Variants in LRP6 observed in about 807,000 individuals in gnomAD.
The protein encoded by LRP6 is low-density lipoprotein receptor-related protein 6.
In LRP6, 43 loss-of-function variants were observed where a neutral mutation model predicts 184.1. That is an observed-to-expected ratio of 0.23 (90% CI 0.18 to 0.30). LRP6 has a LOEUF of 0.30. Among genes scored for constraint, LRP6 ranks in the 10% least tolerant of loss-of-function variants. The pLI, the probability that LRP6 is intolerant of heterozygous loss-of-function variation, is 1.00. For synonymous variants in LRP6, 719 were observed against 684.9 expected (o/e 1.05, Z -0.78); for missense variants, 1,571 against 2,005.3 (o/e 0.78, Z 4.14).
At chr12:12,138,736 CAAGT>C in intron 15 of LRP6, 2 of 1,450,232 alleles carry the variant, frequency 1.4e-6, no homozygotes, top group Admixed American at 2.2e-5. Context: ...CAATCAAGAG[CAAGT>C]AAGTGCCCAA....
chr12:12,245,465 T>C (rs958245593), intron 1 of LRP6, among the ~76,000 whole-genome samples: 9 of 152,124 alleles, frequency 5.9e-5, no homozygotes, highest in Non-Finnish European at 1.3e-4. Flanking sequence ...AAAATGGGCA[T>C]GAGCAAACTT....
chr12:12,171,622 T>TC (rs1591911915), intron 7 of LRP6, among the ~76,000 whole-genome samples: 1 of 152,172 alleles, frequency 6.6e-6, no homozygotes, highest in East Asian at 1.9e-4. Context: ...ATAAGGATCC[T>TC]CCGAAGAGAT....
At chr12:12,167,738 T>C (rs1258980870) in intron 7 of LRP6, among the ~76,000 whole-genome samples, 3 of 152,146 alleles carry the variant, frequency 2.0e-5, no homozygotes, top group Non-Finnish European at 4.4e-5. Context: ...AGGTGCACTA[T>C]CTGGTAAACA....
At chr12:12,150,529 C>G (rs1565565281) in intron 13 of LRP6, among the ~76,000 whole-genome samples, 1 of 152,156 alleles carries the variant, frequency 6.6e-6, no homozygotes, top group Non-Finnish European at 1.5e-5. Context: ...TTCAAGGCTT[C>G]TAATACTCCA....
intron 2 of LRP6, 63 bp downstream of exon 2, chr12:12,244,199 T>C: frequency 6.6e-7 from 1 of 1,514,084 alleles, no homozygotes; most frequent in Non-Finnish European, 9.2e-7. Flanking sequence ...CAGGGTGGTG[T>C]ATGTCAGTGG....
chr12:12,263,137 T>C (rs919083538), intron 1 of LRP6, among the ~76,000 whole-genome samples: 2 of 149,530 alleles, frequency 1.3e-5, no homozygotes, highest in Non-Finnish European at 3.0e-5. Flanking sequence ...TGGTGGTGCA[T>C]GCCTGTAATT....
At chr12:12,226,872 T>C (rs1864639876) in intron 2 of LRP6, 2 of 152,106 alleles carry the variant, frequency 1.3e-5, no homozygotes, top group Admixed American at 6.6e-5. Context: ...GAGAAAATAT[T>C]TGAAGCCGTA....
At chr12:12,145,813 G>A (rs903181140) in intron 15 of LRP6, among the ~76,000 whole-genome samples, 1 of 151,502 alleles carries the variant, frequency 6.6e-6, no homozygotes, top group Non-Finnish European at 1.5e-5. Context: ...TGTATTTTTA[G>A]TAGAGACAGC....
intron 19 of LRP6, 67 bp downstream of exon 19, chr12:12,130,716 A>G (rs988138469): frequency 5.4e-5 from 50 of 924,844 alleles, no homozygotes; most frequent in Non-Finnish European, 8.5e-5. Flanking sequence ...AGTAAACCTC[A>G]CACATAAGAA....
chr12:12,163,995 T>G (rs1402132480), intron 9 of LRP6, among the ~76,000 whole-genome samples: 1 of 152,084 alleles, frequency 6.6e-6, no homozygotes, highest in Non-Finnish European at 1.5e-5. Flanking sequence ...CTGGGCGTCG[T>G]GGCACGCACC....
chr12:12,205,447 T>C (rs891009578), intron 2 of LRP6, among the ~76,000 whole-genome samples: 2 of 149,882 alleles, frequency 1.3e-5, no homozygotes, highest in Admixed American at 1.3e-4. Flanking sequence ...ACTCAAATAA[T>C]CGGTGGAATG....
intron 12 of LRP6, among the ~76,000 whole-genome samples, chr12:12,154,888 G>C (rs181666531): frequency 6.6e-6 from 1 of 152,056 alleles, no homozygotes; most frequent in Non-Finnish European, 1.5e-5. Context: ...TTTTATAGGC[G>C]AGTGCGCTGA....
At chr12:12,260,615 T>C (rs1022751632) in intron 1 of LRP6, among the ~76,000 whole-genome samples, 113 of 152,168 alleles carry the variant, frequency 7.4e-4, no homozygotes, top group African/African-American at 2.6e-3. Flanking sequence ...AATTCGGCCA[T>C]CTTAATAATA....
chr12:12,178,182 T>TA (rs1173419095), intron 7 of LRP6, among the ~76,000 whole-genome samples: 3 of 152,228 alleles, frequency 2.0e-5, no homozygotes, highest in Admixed American at 6.5e-5. Context: ...TTTTTATTCT[T>TA]AAAGATGGTC....
chr12:12,149,781 C>A (rs889444583), intron 13 of LRP6, among the ~76,000 whole-genome samples: 1 of 152,174 alleles, frequency 6.6e-6, no homozygotes, highest in African/African-American at 2.4e-5. Flanking sequence ...ATCCTCAAGT[C>A]TACACATGCA....
At chr12:12,231,631 C>T (rs1230237691) in intron 2 of LRP6, among the ~76,000 whole-genome samples, 1 of 151,988 alleles carries the variant, frequency 6.6e-6, no homozygotes, top group Non-Finnish European at 1.5e-5. Context: ...AAGCCGGGCA[C>T]AGTGGCTCAT....
intron 3 of LRP6, among the ~76,000 whole-genome samples, chr12:12,189,975 G>C (rs1230494848): frequency 6.6e-6 from 1 of 152,104 alleles, no homozygotes; most frequent in East Asian, 1.9e-4. Flanking sequence ...TAAAACTCTA[G>C]CTTATTTATA....
rs138706597 is a variant in LRP6, at chr12:12,141,009, A to T, written c.3398-2475T>A. 1.1e-3 allele frequency among the ~76,000 whole-genome samples: 171 copies of T among 152,334 alleles called. 2 individuals carry two copies. The highest frequency in any genetic ancestry group is 6.8e-3 in the Middle Eastern group (2 of 294). On this transcript the variant is annotated intron_variant, in intron 15 of 22. Coordinates refer to ENST00000261349, the MANE Select transcript of LRP6 (RefSeq NM_002336.3). The stretch of plus-strand genomic sequence containing the variant: ...ATTTATTCCAGCAAACTGAGAAAAG[A>T]AGTTAAATTCCTTAATTTGACAAAG...
At chr12:12,183,655 C>T (rs1444461494) in intron 5 of LRP6, among the ~76,000 whole-genome samples, 1 of 152,118 alleles carries the variant, frequency 6.6e-6, no homozygotes, top group Non-Finnish European at 1.5e-5. Flanking sequence ...CAAATGCTAC[C>T]TGTTAAAAAT....
Sources: allele counts gnomAD v4.1 joint callset (sites outside exome capture counted in the v4.1 genomes callset), GRCh38; gene constraint gnomAD v4.1.1; transcripts MANE v1.5; gene names NCBI Gene and HGNC (gene_info 2026-07-23, HGNC 2026-07-21).